LPAR3: variants seen among roughly 807,000 people sequenced by gnomAD.
LPAR3 encodes lysophosphatidic acid receptor 3, also known as LPA receptor 3.
Under a neutral mutation model 17.8 loss-of-function variants are expected in LPAR3, and 7 were observed. The observed-to-expected ratio is 0.39, with a 90% CI of 0.22 to 0.74. LPAR3 has a LOEUF of 0.74. Among genes scored for constraint, LPAR3 ranks in the 30% least tolerant of loss-of-function variants. The probability of loss-of-function intolerance (pLI) is 0.40; values close to 1 mark genes in which losing one functional copy is unlikely to be tolerated. For missense variants in LPAR3, 391 were observed against 453.4 expected, an observed-to-expected ratio of 0.86 and a Z score of 1.25; for synonymous variants, 179 against 179.9, an observed-to-expected ratio of 0.99 and a Z score of 0.04.
At chr1:84,852,315 G>C (rs746130935) in intron 2 of LPAR3, among the ~76,000 whole-genome samples, 2 of 152,084 alleles carry the variant, frequency 1.3e-5, no homozygotes, top group Non-Finnish European at 2.9e-5. Context: ...TCTTGACCTC[G>C]TGATCTGCCC....
rs1254187234 is a variant in LPAR3, at chr1:84,881,841, A to C, written c.-19+11175T>G. Reference sequence around the variant, plus strand: ...CACTAGCAGATAAGCAGGTGAGCCGAGTATTTAAAGAGCATGGCCCCCACA... The same window carrying C: ...CACTAGCAGATAAGCAGGTGAGCCGCGTATTTAAAGAGCATGGCCCCCACA... On this transcript the variant is annotated intron_variant, in intron 1 of 2. Transcript: ENST00000370611. Among the ~76,000 whole-genome samples the C allele has an allele frequency of 3.3e-5, 5 of 152,194 alleles. No individual in the cohort carries two copies. In the East Asian group the frequency reaches 9.6e-4, roughly 29 times the overall value.
At chr1:84,865,342 T>C (rs1424533202) in intron 2 of LPAR3, 43 bp downstream of exon 2, 2 of 1,552,650 alleles carry the variant, frequency 1.3e-6, no homozygotes, top group East Asian at 2.3e-5. Context: ...AAAGATTTGC[T>C]GAATGAATGG....
chr1:84,842,640 GA>G (rs1428894965), intron 2 of LPAR3, among the ~76,000 whole-genome samples: 1 of 152,164 alleles, frequency 6.6e-6, no homozygotes, highest in South Asian at 2.1e-4. Flanking sequence ...ATTGTCTTCT[GA>G]AAAAATTTAT....
rs907352017 is a variant in LPAR3 at position 84,865,998 on chromosome 1, G to T, written c.123C>A (p.Cys41Ter). Residue 41 changes from cysteine to a stop codon, truncating the protein, a stop_gained, in exon 2 of 3, where the codon TGC becomes TGA. Coordinates refer to ENST00000370611, the MANE Select transcript of LPAR3 (RefSeq NM_012152.3). LOFTEE classifies it high-confidence loss of function. ...GAGAATTAGAAAAAAAAATAAACAG[G>T]CAGAAAAACGTCCCAACACACAAAA... ...VIVLCVGTFF[C>*]LFIFFSNSLV... 1.2e-6 allele frequency: 2 copies of T among 1,613,980 alleles called. No homozygotes were observed. The highest frequency in any genetic ancestry group is 2.7e-5 in the African/African-American group (2 of 74,870).
chr1:84,831,228 T>C (rs1193673683), intron 2 of LPAR3, among the ~76,000 whole-genome samples: 1 of 150,320 alleles, frequency 6.7e-6, no homozygotes, highest in South Asian at 2.1e-4. Flanking sequence ...CTGTCTTTGG[T>C]TTTTTGGTTA....
At chr1:84,837,077 T>G (rs964511958) in intron 2 of LPAR3, among the ~76,000 whole-genome samples, 1 of 149,650 alleles carries the variant, frequency 6.7e-6, no homozygotes, top group Non-Finnish European at 1.5e-5. Flanking sequence ...CAGGCTGAAG[T>G]GCAATGGTGC....
At position 84,813,150 on chromosome 1, in the gene LPAR3, T is replaced by TAGAGAGAGAGAGAG. The variant is rs1175209623; in HGVS notation, c.*695_*696insCTCTCTCTCTCTCT. On this transcript the variant is annotated 3_prime_UTR_variant, in exon 3 of 3. Transcript: ENST00000370611. The stretch of plus-strand genomic sequence containing the variant: ...GAATATATATATATATATATATATA[T>TAGAGAGAGAGAGAG]ATATATATAGACACACACACACACA... 10 of 110,716 alleles carry TAGAGAGAGAGAGAG rather than the reference T, an allele frequency of 9.0e-5. No individual in the cohort carries two copies. The South Asian group carries it at 1.9e-3, about 21-fold the overall frequency. The allele number at this position is 110,716 out of a possible 1,614,324, so 6.9% of individuals were successfully genotyped here. A position where few individuals can be genotyped will look rare whatever the true frequency, so the allele number is the denominator to read the frequency against.
At chr1:84,845,647 T>C (rs1659582986) in intron 2 of LPAR3, among the ~76,000 whole-genome samples, 1 of 152,212 alleles carries the variant, frequency 6.6e-6, no homozygotes, top group African/African-American at 2.4e-5. Flanking sequence ...TTAATCTTTT[T>C]AATTACGCTC....
rs191086135 is a variant in LPAR3, at chr1:84,843,687, A to G, written c.736+21698T>C. Among the ~76,000 whole-genome samples, 304 of 152,380 alleles carry G rather than the reference A, an allele frequency of 2.0e-3. 2 individuals are homozygous for G. Among genetic ancestry groups the G allele is most frequent in the Non-Finnish European group, 2.6e-3 (177 of 68,040 alleles). The stretch of plus-strand genomic sequence containing the variant: ...TAACATCACTTTTCTAAAGAGATCT[A>G]AGTGCTTCACAAGTTCATTTGCCCA... On this transcript the variant is annotated intron_variant, in intron 2 of 2. Transcript: ENST00000370611.
chr1:84,878,312 G>A (rs1354753758), intron 1 of LPAR3, among the ~76,000 whole-genome samples: 1 of 152,116 alleles, frequency 6.6e-6, no homozygotes, highest in African/African-American at 2.4e-5. Flanking sequence ...TCAGTGACTT[G>A]ACGCTCCTGT....
chr1:84,892,619 A>G (rs1010966097), intron 1 of LPAR3, among the ~76,000 whole-genome samples: 5 of 152,230 alleles, frequency 3.3e-5, no homozygotes, highest in Non-Finnish European at 2.9e-5. Flanking sequence ...GCTTCACGAG[A>G]GAACCCCAGT....
At chr1:84,886,378 T>C (rs1215047218) in intron 1 of LPAR3, among the ~76,000 whole-genome samples, 1 of 152,044 alleles carries the variant, frequency 6.6e-6, no homozygotes, top group African/African-American at 2.4e-5. Flanking sequence ...TTTTTTAAAT[T>C]AGCCGGGAAT....
chr1:84,884,828 G>A (rs1489521519), intron 1 of LPAR3, among the ~76,000 whole-genome samples: 1 of 152,184 alleles, frequency 6.6e-6, no homozygotes. Flanking sequence ...ACTTCCCTCT[G>A]TTGGATGTTC....
chr1:84,821,281 T>C (rs1334819104), intron 2 of LPAR3, among the ~76,000 whole-genome samples: 1 of 152,022 alleles, frequency 6.6e-6, no homozygotes, highest in Non-Finnish European at 1.5e-5. Context: ...CAGAATGGGC[T>C]CTCATCTTCA....
At chr1:84,881,645 C>T (rs1660366476) in intron 1 of LPAR3, among the ~76,000 whole-genome samples, 1 of 152,124 alleles carries the variant, frequency 6.6e-6, no homozygotes. Flanking sequence ...AGAATGTCCC[C>T]CTGCCTGAGT....
chr1:84,871,212 C>T (rs1049730466), intron 1 of LPAR3, among the ~76,000 whole-genome samples: 11 of 152,126 alleles, frequency 7.2e-5, no homozygotes, highest in African/African-American at 2.4e-4. Flanking sequence ...GCAATTACCA[C>T]AACTTCAAAC....
chr1:84,847,482 GC>G (rs1293355835), intron 2 of LPAR3, among the ~76,000 whole-genome samples: 5 of 152,172 alleles, frequency 3.3e-5, no homozygotes, highest in African/African-American at 1.2e-4. Flanking sequence ...GTCTGGGCCA[GC>G]CCTGTTCTGG....
chr1:84,858,100 CA>C (rs1347247394), intron 2 of LPAR3, among the ~76,000 whole-genome samples: 1 of 151,996 alleles, frequency 6.6e-6, no homozygotes, highest in African/African-American at 2.4e-5. Flanking sequence ...AAGAAGCATT[CA>C]AAAAATGCTC....
intron 2 of LPAR3, among the ~76,000 whole-genome samples, chr1:84,817,998 A>G (rs1213805575): frequency 6.6e-6 from 1 of 152,194 alleles, no homozygotes; most frequent in African/African-American, 2.4e-5. Flanking sequence ...AGTCAGGAAC[A>G]TGGCTCTGGT....
Sources: allele counts gnomAD v4.1 joint callset (sites outside exome capture counted in the v4.1 genomes callset), GRCh38; gene constraint gnomAD v4.1.1; transcripts MANE v1.5; gene names NCBI Gene and HGNC (gene_info 2026-07-23, HGNC 2026-07-21).